Variants in DENND5B observed in about 807,000 individuals in gnomAD.
The protein encoded by DENND5B is DENN domain-containing protein 5B.
Under a neutral mutation model 140.6 loss-of-function variants are expected in DENND5B, and 34 were observed. The observed-to-expected ratio is 0.24, with a 90% confidence interval of 0.18 to 0.32. DENND5B has a LOEUF of 0.32. Among genes scored for constraint, DENND5B ranks in the 10% least tolerant of loss-of-function variants. DENND5B has a pLI of 1.00. For synonymous variants in DENND5B, 551 were observed against 562.1 expected, an observed-to-expected ratio of 0.98 and a Z score of 0.28; for missense variants, 1,142 against 1,560.2, an observed-to-expected ratio of 0.73 and a Z score of 4.52.
intron 7 of DENND5B, among the ~76,000 whole-genome samples, chr12:31,440,206 G>C (rs1358792273): frequency 6.6e-6 from 1 of 151,756 alleles, no homozygotes; most frequent in Non-Finnish European, 1.5e-5. Flanking sequence ...ATAAAGATGA[G>C]GTCTCATTAT....
At chr12:31,442,460 C>T (rs1450260547) in intron 7 of DENND5B, among the ~76,000 whole-genome samples, 1 of 152,042 alleles carries the variant, frequency 6.6e-6, no homozygotes, top group Admixed American at 6.5e-5. Flanking sequence ...AAAGGTCTAA[C>T]CTTTCTAAAT....
chr12:31,584,491 GA>G (rs1475279424), intron 1 of DENND5B, among the ~76,000 whole-genome samples: 2 of 152,182 alleles, frequency 1.3e-5, no homozygotes, highest in African/African-American at 2.4e-5. Context: ...TTGCTATAAA[GA>G]AAATACCTGA....
intron 8 of DENND5B, chr12:31,432,097 C>G (rs1161277990): frequency 1.0e-6 from 1 of 985,058 alleles, no homozygotes; most frequent in African/African-American, 1.7e-5. Flanking sequence ...GAGGTGGACC[C>G]TGGTCCCACT....
At position 31,460,401 on chromosome 12, in the gene DENND5B, A is replaced by G. The variant is rs11051438; in HGVS notation, c.905-20T>C. The G allele has an allele frequency of 9.1e-3, 14,504 of 1,597,724 alleles. 100 individuals are homozygous for G. The highest frequency in any genetic ancestry group is 0.029 in the Middle Eastern group (172 of 5,980). The stretch of plus-strand genomic sequence containing the variant: ...GATAATCTGCACAGAACAAGGAAAA[A>G]GGAAAGGGAAGAGTCCAAGTAAAAA... On this transcript the variant is annotated intron_variant, in intron 3 of 20. Coordinates refer to ENST00000389082, the MANE Select transcript of DENND5B (RefSeq NM_144973.4).
At chr12:31,541,835 G>T (rs1159751969) in intron 1 of DENND5B, among the ~76,000 whole-genome samples, 3 of 152,128 alleles carry the variant, frequency 2.0e-5, no homozygotes, top group African/African-American at 7.2e-5. Flanking sequence ...AAGAAAATGT[G>T]GTACTTATAC....
At chr12:31,576,176 G>A (rs1950011024) in intron 1 of DENND5B, among the ~76,000 whole-genome samples, 1 of 147,352 alleles carries the variant, frequency 6.8e-6, no homozygotes, top group East Asian at 2.1e-4. Flanking sequence ...GAGGCCGCGC[G>A]CACAGGGGCT....
At chr12:31,552,171 T>G (rs1168189811) in intron 1 of DENND5B, among the ~76,000 whole-genome samples, 2 of 152,224 alleles carry the variant, frequency 1.3e-5, no homozygotes, top group Non-Finnish European at 2.9e-5. Context: ...TTCCAGTTTT[T>G]GCCCATTCAG....
chr12:31,487,705 A>C (rs141013634), intron 2 of DENND5B, among the ~76,000 whole-genome samples: 36 of 152,186 alleles, frequency 2.4e-4, no homozygotes, highest in African/African-American at 6.7e-4. Flanking sequence ...GTCTCAAAAA[A>C]ACAAACAAAC....
chr12:31,480,607 A>G (rs1232710489), intron 2 of DENND5B, among the ~76,000 whole-genome samples: 2 of 152,194 alleles, frequency 1.3e-5, no homozygotes, highest in East Asian at 3.9e-4. Flanking sequence ...TCCTTTATCT[A>G]CAATAGTTGC....
At chr12:31,554,024 C>G (rs1262833402) in intron 1 of DENND5B, among the ~76,000 whole-genome samples, 1 of 152,098 alleles carries the variant, frequency 6.6e-6, no homozygotes, top group Non-Finnish European at 1.5e-5. Flanking sequence ...TCCAATTTGC[C>G]AGTCTGTGTC....
Position 31,568,439 on chromosome 12 carries a change from T to C in DENND5B, c.127+22267A>G, listed in dbSNP as rs377055261. On this transcript the variant is annotated intron_variant, in intron 1 of 20. Coordinates refer to ENST00000389082, the MANE Select transcript of DENND5B (RefSeq NM_144973.4). ...CCTCTTCTACTGTGAACTAGCTATA[T>C]AGTTTTCATCCCAAATTAGTCTCAG... 1.3e-4 allele frequency among the ~76,000 whole-genome samples: 20 copies of C among 152,216 alleles called. 1 individual carries two copies. Among genetic ancestry groups the C allele is most frequent in the Admixed American group, 1.3e-3 (20 of 15,270 alleles).
chr12:31,570,803 G>A (rs986571091), intron 1 of DENND5B, among the ~76,000 whole-genome samples: 1 of 151,850 alleles, frequency 6.6e-6, no homozygotes, highest in African/African-American at 2.4e-5. Context: ...ACCTTCTTAG[G>A]TTATCTCAAG....
intron 2 of DENND5B, among the ~76,000 whole-genome samples, chr12:31,481,203 A>G (rs1946056519): frequency 6.6e-6 from 1 of 152,158 alleles, no homozygotes; most frequent in Non-Finnish European, 1.5e-5. Flanking sequence ...CTATTTTTCT[A>G]TATTTAATAA....
chr12:31,549,182 G>A (rs1192751908), intron 1 of DENND5B, among the ~76,000 whole-genome samples: 1 of 152,142 alleles, frequency 6.6e-6, no homozygotes, highest in African/African-American at 2.4e-5. Flanking sequence ...TTACAGGCAT[G>A]AGCCACCATG....
At chr12:31,405,146 T>G (rs10843939) in intron 14 of DENND5B, among the ~76,000 whole-genome samples, 61,557 of 151,782 alleles carry the variant, frequency 0.41, 12,995 homozygotes, top group East Asian at 0.57. Flanking sequence ...CAAGCGATCT[T>G]TTTGCCTTGG....
intron 14 of DENND5B, among the ~76,000 whole-genome samples, chr12:31,403,809 T>C (rs2137436827): frequency 7.2e-6 from 1 of 138,756 alleles, no homozygotes; most frequent in African/African-American, 2.8e-5. Context: ...GGCAGGAGAA[T>C]CGCTTGAACC....
intron 5 of DENND5B, 182 bp downstream of exon 5, chr12:31,451,758 A>C: frequency 1.5e-6 from 1 of 647,800 alleles, no homozygotes; most frequent in East Asian, 2.9e-5. Context: ...CTAATGTAAA[A>C]ATACTTGGTA....
intron 5 of DENND5B, among the ~76,000 whole-genome samples, chr12:31,449,897 A>T (rs536197568): frequency 6.6e-6 from 1 of 151,682 alleles, no homozygotes; most frequent in Non-Finnish European, 1.5e-5. Flanking sequence ...CGCCCGGCTA[A>T]TTTTTTTGTA....
chr12:31,445,963 G>T (rs1048437555), intron 6 of DENND5B, among the ~76,000 whole-genome samples: 1 of 151,152 alleles, frequency 6.6e-6, no homozygotes, highest in African/African-American at 2.4e-5. Flanking sequence ...GAGCCATGAT[G>T]GCACCACTGC....
Sources: gnomAD v4.1 joint callset for allele counts (sites outside exome capture counted in the v4.1 genomes callset) on GRCh38, gnomAD v4.1.1 for gene constraint, MANE v1.5 for transcripts, NCBI Gene and HGNC (gene_info 2026-07-23, HGNC 2026-07-21) for gene names.